The following GC variants were observed in gnomAD, a reference collection of about 807,000 sequenced individuals.
GC encodes GC vitamin D binding protein.
Under a neutral mutation model 56.7 loss-of-function variants are expected in GC, and 43 were observed. The observed-to-expected ratio is 0.76, with a 90% CI of 0.59 to 0.98. GC has a LOEUF of 0.98. Among genes scored for constraint, GC ranks in the 50% least tolerant of loss-of-function variants. GC has a pLI of 0.00. For synonymous variants in GC, 216 were observed against 202.7 expected (o/e 1.07, Z -0.56); for missense variants, 529 against 545.9 (o/e 0.97, Z 0.31).
chr4:71,772,671 TA>T (rs1237574002), intron 1 of GC, among the ~76,000 whole-genome samples: 1 of 152,148 alleles, frequency 6.6e-6, no homozygotes, highest in Non-Finnish European at 1.5e-5. Context: ...ATGGAATGAA[TA>T]AGGCTTAAAG....
chr4:71,756,656 C>T (rs1373215714), intron 8 of GC, 56 bp downstream of exon 8: 42 of 1,274,534 alleles, frequency 3.3e-5, no homozygotes, highest in Non-Finnish European at 4.7e-5. Context: ...CTGGCCCCCA[C>T]TTTTTGTCCA....
intron 1 of GC, among the ~76,000 whole-genome samples, chr4:71,776,007 A>G (rs1032331503): frequency 1.3e-5 from 2 of 151,950 alleles, no homozygotes; most frequent in Non-Finnish European, 2.9e-5. Flanking sequence ...AAAGATAAGC[A>G]TTGGCAAAAA....
intron 11 of GC, among the ~76,000 whole-genome samples, chr4:71,751,179 T>A (rs1741543737): frequency 6.6e-6 from 1 of 152,148 alleles, no homozygotes; most frequent in Admixed American, 6.5e-5. Context: ...TGGGCTGACA[T>A]TTTCTGAAAA....
At chr4:71,757,350 C>T (rs974655354) in intron 7 of GC, among the ~76,000 whole-genome samples, 7 of 152,084 alleles carry the variant, frequency 4.6e-5, no homozygotes, top group African/African-American at 7.2e-5. Context: ...TCTATTAACA[C>T]AGACATGCAT....
chr4:71,790,414 A>G (rs1742939691), intron 1 of GC, among the ~76,000 whole-genome samples: 1 of 152,066 alleles, frequency 6.6e-6, no homozygotes. Context: ...CTTGAAAAGA[A>G]CCATTCAAAC....
intron 4 of GC, among the ~76,000 whole-genome samples, chr4:71,764,784 T>C (rs747826013): frequency 6.6e-6 from 1 of 152,200 alleles, no homozygotes; most frequent in Non-Finnish European, 1.5e-5. Context: ...CCACTTTGAA[T>C]GACATTGCTC....
chr4:71,788,381 T>C (rs1742890845), upstream of GC, among the ~76,000 whole-genome samples: 1 of 151,712 alleles, frequency 6.6e-6, no homozygotes, highest in Admixed American at 6.6e-5. Context: ...TGCTGACAAA[T>C]ATAAATGAAT....
chr4:71,796,590 C>G (rs1463519476), intron 1 of GC, among the ~76,000 whole-genome samples: 1 of 152,124 alleles, frequency 6.6e-6, no homozygotes, highest in East Asian at 1.9e-4. Flanking sequence ...TTTTGAGCTT[C>G]CTTGTGATGG....
intron 9 of GC, 68 bp from the exon 10 acceptor site, chr4:71,754,576 A>G: frequency 1.2e-6 from 1 of 835,134 alleles, no homozygotes; most frequent in Non-Finnish European, 2.0e-6. Context: ...AAGCCATTAA[A>G]TCAAAATTCC....
At chr4:71,751,692 G>A (rs1157602264) in intron 11 of GC, among the ~76,000 whole-genome samples, 1 of 151,872 alleles carries the variant, frequency 6.6e-6, no homozygotes, top group East Asian at 1.9e-4. Context: ...AGGGAGGAGG[G>A]GAAGGGACAT....
At chr4:71,743,201 A>T (rs1741245159) in intron 12 of GC, among the ~76,000 whole-genome samples, 1 of 152,164 alleles carries the variant, frequency 6.6e-6, no homozygotes, top group African/African-American at 2.4e-5. Context: ...TAGGGATCGG[A>T]ATACCTTGAG....
chr4:71,801,515 A>C (rs962849141), intron 1 of GC, among the ~76,000 whole-genome samples: 1 of 152,150 alleles, frequency 6.6e-6, no homozygotes. Context: ...ATAGAGAGCC[A>C]GGGCAACTTC....
intron 11 of GC, among the ~76,000 whole-genome samples, chr4:71,750,293 G>A (rs1173008026): frequency 1.3e-5 from 2 of 152,160 alleles, no homozygotes; most frequent in African/African-American, 4.8e-5. Context: ...TTCTCATAAT[G>A]CAGCTACCTG....
rs189474237 is a variant in GC at position 71,779,540 on chromosome 4, A to C, written c.58+4421T>G. Among the ~76,000 whole-genome samples, 990 of 151,940 alleles carry C rather than the reference A, an allele frequency of 6.5e-3. 15 individuals are homozygous for C. The highest frequency in any genetic ancestry group is 0.023 in the African/African-American group (949 of 41,526). ...ATAATGTGGAGGCCAGTGTGGTCAG[A>C]TCAGAATGAATGAGAAAAATAGGAG... On this transcript the variant is annotated intron_variant, in intron 1 of 12. Transcript: ENST00000273951.
At chr4:71,790,933 C>T (rs1742955354) in intron 1 of GC, among the ~76,000 whole-genome samples, 1 of 151,872 alleles carries the variant, frequency 6.6e-6, no homozygotes, top group South Asian at 2.1e-4. Context: ...CACCCCACAA[C>T]AGTCCCCAGA....
intron 2 of GC, 126 bp from the exon 3 acceptor site, chr4:71,768,559 C>G (rs7697794): frequency 1.4e-6 from 1 of 709,236 alleles, no homozygotes. Flanking sequence ...CTCTCTGCCT[C>G]CCAGGTTCAA....
intron 1 of GC, among the ~76,000 whole-genome samples, chr4:71,776,799 C>A (rs1742522378): frequency 6.6e-6 from 1 of 151,854 alleles, no homozygotes; most frequent in South Asian, 2.1e-4. Context: ...ACATTTTAAA[C>A]CAGAAAACAC....
chr4:71,746,772 T>TAAAAAAAAA (rs34865299), intron 11 of GC, among the ~76,000 whole-genome samples: 1 of 100,656 alleles, frequency 9.9e-6, no homozygotes, highest in Non-Finnish European at 1.8e-5. Context: ...CTCTATTTTG[T>TAAAAAAAAA]AAAAAAAAAA....
At chr4:71,798,327 T>G in intron 1 of GC, among the ~76,000 whole-genome samples, 1 of 152,218 alleles carries the variant, frequency 6.6e-6, no homozygotes, top group East Asian at 1.9e-4. Flanking sequence ...TCAGAGTTGG[T>G]TTCTGTTGAC....
Sources: gnomAD v4.1 joint callset for allele counts (sites outside exome capture counted in the v4.1 genomes callset) on GRCh38, gnomAD v4.1.1 for gene constraint, MANE v1.5 for transcripts, NCBI Gene and HGNC (gene_info 2026-07-23, HGNC 2026-07-21) for gene names.